PTK7: variants seen among roughly 807,000 people sequenced by gnomAD.
The protein encoded by PTK7 is inactive tyrosine-protein kinase 7.
A neutral mutation model predicts 116.6 loss-of-function variants in PTK7; 39 were observed. The ratio of observed to expected loss-of-function variants is 0.33; its 90% confidence interval spans 0.26 to 0.44. The LOEUF (loss-of-function observed/expected upper bound fraction) is 0.44. Among genes scored for constraint, PTK7 ranks in the 20% least tolerant of loss-of-function variants. PTK7 has a pLI of 1.00. For synonymous variants in PTK7, 546 were observed against 563.6 expected (o/e 0.97, Z 0.44); for missense variants, 1,169 against 1,425.6 (o/e 0.82, Z 2.90).
At chr6:43,098,100 G>T (rs147176269) in intron 1 of PTK7, among the ~76,000 whole-genome samples, 2,948 of 152,286 alleles carry the variant, frequency 0.019, 45 homozygotes, top group Non-Finnish European at 0.032. Flanking sequence ...GGTCTAGTGA[G>T]GTGTGTGTTG....
chr6:43,097,591 T>C (rs6458323), intron 1 of PTK7, among the ~76,000 whole-genome samples: 66,933 of 152,112 alleles, frequency 0.44, 15,239 homozygotes, highest in African/African-American at 0.56. Context: ...CTGTGAAATT[T>C]GCACAGGATA....
intron 10 of PTK7, among the ~76,000 whole-genome samples, chr6:43,140,639 G>A (rs936450505): frequency 2.6e-5 from 4 of 151,912 alleles, no homozygotes; most frequent in African/African-American, 7.3e-5. Flanking sequence ...TGTAATCCCA[G>A]CACTTTGGGA....
intron 7 of PTK7, among the ~76,000 whole-genome samples, chr6:43,136,197 T>C (rs1770028726): frequency 6.7e-6 from 1 of 149,482 alleles, no homozygotes; most frequent in Non-Finnish European, 1.5e-5. Flanking sequence ...TATCCAGGCA[T>C]GGTGGCACAT....
At chr6:43,132,749 G>A (rs950178442) in intron 7 of PTK7, 62 bp downstream of exon 7, 2 of 1,548,176 alleles carry the variant, frequency 1.3e-6, no homozygotes, top group African/African-American at 2.7e-5. Flanking sequence ...TGGGTGTGAT[G>A]GACAGAGGCT....
chr6:43,146,408 TCTAA>T (rs1770728366), intron 16 of PTK7, among the ~76,000 whole-genome samples: 1 of 152,016 alleles, frequency 6.6e-6, no homozygotes, highest in South Asian at 2.1e-4. Context: ...TCTCCTCCTT[TCTAA>T]CTGAGACAGC....
intron 18 of PTK7, 40 bp from the exon 19 acceptor site, chr6:43,159,748 T>A (rs529678425): frequency 6.2e-7 from 1 of 1,608,308 alleles, no homozygotes; most frequent in African/African-American, 1.3e-5. Flanking sequence ...CAGGCCACGC[T>A]CCCACCCCAC....
intron 1 of PTK7, among the ~76,000 whole-genome samples, chr6:43,114,771 T>G (rs2150407021): frequency 6.6e-6 from 1 of 152,144 alleles, no homozygotes. Context: ...GTTGCAAGAT[T>G]TTGGTGCTTT....
chr6:43,094,101 A>G (rs1375511983), intron 1 of PTK7, among the ~76,000 whole-genome samples: 1 of 152,250 alleles, frequency 6.6e-6, no homozygotes, highest in South Asian at 2.1e-4. Flanking sequence ...GCAAACGAAG[A>G]CAGGATTCGC....
At position 43,129,303 on chromosome 6, in the gene PTK7, A is replaced by C; in HGVS notation, c.367+39A>C. 6.2e-7 allele frequency: 1 copy of C among 1,608,110 alleles called. No individual in the cohort carries two copies. The highest frequency in any genetic ancestry group is 8.5e-7 in the Non-Finnish European group (1 of 1,175,830). ...GGGCTGTGCCCAGTCCCCCTGTCAG[A>C]CCCTCAATGACTGAGGCCTGGGGGA... On this transcript the variant is annotated intron_variant, in intron 2 of 19. Transcript: ENST00000230419. This position sits in a 1 kb window ranked among gnomAD's most constrained non-coding sequence, Gnocchi z 4.5.
At position 43,141,532 on chromosome 6, in the gene PTK7, C is replaced by T. The variant is rs1770406591; in HGVS notation, c.1619-136C>T. The T allele has an allele frequency of 3.8e-6, 4 of 1,042,446 alleles. No individual in the cohort carries two copies. 64.6% of individuals were successfully genotyped at this position (1,042,446 alleles called of 1,614,324 possible). On this transcript the variant is annotated intron_variant, in intron 10 of 19. Transcript: ENST00000230419. This position sits in a 1 kb window ranked among gnomAD's most constrained non-coding sequence, Gnocchi z 4.9. ...TAACGGAGGGGCTTCTAACACTTGG[C>T]TCAGGAGTTTGGACTTTGCCTGTGG...
chr6:43,127,087 C>CAG (rs1177642181), intron 1 of PTK7, among the ~76,000 whole-genome samples: 3 of 152,212 alleles, frequency 2.0e-5, no homozygotes, highest in African/African-American at 7.2e-5. Flanking sequence ...CCATAAAGAA[C>CAG]AGAACCCCAC....
At chr6:43,128,501 G>A (rs1382586588) in intron 1 of PTK7, among the ~76,000 whole-genome samples, 1 of 152,182 alleles carries the variant, frequency 6.6e-6, no homozygotes, top group East Asian at 1.9e-4. Flanking sequence ...AGCTCTTCAG[G>A]GGGCTGGGCG....
Position 43,145,683 on chromosome 6 carries a change from T to C in PTK7, c.2640+251T>C, listed in dbSNP as rs894967166. On this transcript the variant is annotated intron_variant, in intron 16 of 19. Coordinates refer to ENST00000230419, the MANE Select transcript of PTK7 (RefSeq NM_002821.5). This position sits in a 1 kb window ranked among gnomAD's most constrained non-coding sequence, Gnocchi z 4.8. Reference sequence around the variant, plus strand: ...ATCTCAGGGGCGTTGGTCCTAAGTTTTTCTGGGACTTCTCACTGTCACACT... The same window carrying C: ...ATCTCAGGGGCGTTGGTCCTAAGTTCTTCTGGGACTTCTCACTGTCACACT... 3.3e-6 allele frequency: 1 copy of C among 305,172 alleles called. No homozygotes were observed. The highest frequency in any genetic ancestry group is 2.1e-5 in the African/African-American group (1 of 46,732). The allele number at this position is 305,172 out of a possible 1,614,324, so 18.9% of individuals were successfully genotyped here. A position where few individuals can be genotyped will look rare whatever the true frequency, so the allele number is the denominator to read the frequency against.
chr6:43,112,204 G>C (rs919848242), intron 1 of PTK7, among the ~76,000 whole-genome samples: 1 of 152,054 alleles, frequency 6.6e-6, no homozygotes, highest in Non-Finnish European at 1.5e-5. Context: ...CCTTGTAGAG[G>C]CTCTGCAGGA....
intron 1 of PTK7, among the ~76,000 whole-genome samples, chr6:43,118,776 T>TA (rs1768768320): frequency 7.4e-6 from 1 of 134,270 alleles, no homozygotes; most frequent in African/African-American, 3.0e-5. Context: ...TGTGTGTGTA[T>TA]AATTTTTTTT....
chr6:43,139,048 C>A lies in PTK7; in HGVS notation c.1362+66C>A. On this transcript the variant is annotated intron_variant, in intron 8 of 19. Coordinates refer to ENST00000230419, the MANE Select transcript of PTK7 (RefSeq NM_002821.5). The surrounding 1 kb of genome is among the most constrained non-coding windows in gnomAD (Gnocchi z 4.6). ...CCCTCCACTTGCCCTCTTCTGTGCT[C>A]ACCTCCATAGCACTCTTACCCTGGA... 1.2e-6 allele frequency: 2 copies of A among 1,607,254 alleles called. No individual in the cohort carries two copies. Among genetic ancestry groups the A allele is most frequent in the Non-Finnish European group, 8.5e-7 (1 of 1,175,396 alleles).
intron 1 of PTK7, among the ~76,000 whole-genome samples, chr6:43,128,086 A>G (rs1769408106): frequency 6.6e-6 from 1 of 152,172 alleles, no homozygotes; most frequent in African/African-American, 2.4e-5. Flanking sequence ...ATGAGATTCA[A>G]AGCGTCCCAT....
rs201249474 is a variant in PTK7, at chr6:43,076,495, G to C, written c.7G>C (p.Ala3Pro). The C allele has an allele frequency of 8.1e-5, 127 of 1,569,226 alleles. No homozygotes were observed. The highest frequency in any genetic ancestry group is 1.0e-4 in the Non-Finnish European group (121 of 1,163,064). ...TTTTCCTGAGCCCGCCGCGATGGGA[G>C]CTGCGCGGGGATCCCCGGCCAGACC... Reference protein sequence around the residue: MGAARGSPARPRR... With the variant: MGPARGSPARPRR... Residue 3 changes from alanine (A) to proline (P), a missense_variant, in exon 1 of 20, where the codon GCT (alanine) becomes CCT (proline). Physicochemically the swap from Ala to Pro is conservative, Grantham distance 27. This residue lies in a region of PTK7 where 487 missense variants were observed against 549.8 expected (regional missense o/e 0.89). Transcript: ENST00000230419. The surrounding 1 kb of genome is among the most constrained non-coding windows in gnomAD (Gnocchi z 5.7).
chr6:43,158,035 A>T (rs1190321491), intron 17 of PTK7, among the ~76,000 whole-genome samples: 1 of 151,990 alleles, frequency 6.6e-6, no homozygotes, highest in African/African-American at 2.4e-5. Context: ...GCAGTGGCTC[A>T]TGCCTGTAAT....
Sources: allele counts gnomAD v4.1 joint callset (sites outside exome capture counted in the v4.1 genomes callset), GRCh38; gene constraint gnomAD v4.1.1; regional missense constraint gnomAD v4.1.1; non-coding constraint Gnocchi (gnomAD v3.1); transcripts MANE v1.5; gene names NCBI Gene and HGNC (gene_info 2026-07-23, HGNC 2026-07-21).